The following KDM4C variants were observed in gnomAD, a reference collection of about 807,000 sequenced individuals.
KDM4C encodes the protein lysine demethylase 4C.
KDM4C carries 81 observed loss-of-function variants against 129.3 expected under a neutral mutation model. That is an observed-to-expected ratio of 0.63 (90% CI 0.52 to 0.75). KDM4C has a LOEUF of 0.75. Among genes scored for constraint, KDM4C ranks in the 30% least tolerant of loss-of-function variants. The pLI, the probability that KDM4C is intolerant of heterozygous loss-of-function variation, is 0.00. For synonymous variants in KDM4C, 573 were observed against 456.1 expected (o/e 1.26, Z -3.26); for missense variants, 1,457 against 1,304.0 (o/e 1.12, Z -1.81).
intron 19 of KDM4C, among the ~76,000 whole-genome samples, chr9:7,147,987 G>C (rs574925914): frequency 1.3e-5 from 2 of 152,228 alleles, no homozygotes; most frequent in Non-Finnish European, 2.9e-5. Flanking sequence ...TGCCTGCCAA[G>C]GGCAAGCCAG....
chr9:6,805,407 G>A (rs763077895), intron 2 of KDM4C, among the ~76,000 whole-genome samples, 192 bp from the exon 3 acceptor site: 1 of 151,006 alleles, frequency 6.6e-6, no homozygotes, highest in African/African-American at 2.4e-5. Context: ...GGGATAGTGA[G>A]TACTCAATAA....
intron 8 of KDM4C, among the ~76,000 whole-genome samples, chr9:6,897,425 C>T (rs1816646669): frequency 6.6e-6 from 1 of 152,168 alleles, no homozygotes; most frequent in African/African-American, 2.4e-5. Flanking sequence ...TCTTAACTTG[C>T]AAAATATAGC....
intron 4 of KDM4C, among the ~76,000 whole-genome samples, chr9:6,833,379 C>T (rs1051105734): frequency 1.3e-5 from 2 of 151,956 alleles, no homozygotes; most frequent in African/African-American, 4.8e-5. Context: ...ACTGACTTTC[C>T]TAGATATTGG....
intron 4 of KDM4C, among the ~76,000 whole-genome samples, chr9:6,842,317 T>TC (rs1837092828): frequency 7.4e-6 from 1 of 135,538 alleles, no homozygotes; most frequent in East Asian, 2.3e-4. Flanking sequence ...CATTTCTTTT[T>TC]TTTTTTTTTT....
At chr9:6,964,400 C>T (rs1200607763) in intron 8 of KDM4C, among the ~76,000 whole-genome samples, 3 of 151,856 alleles carry the variant, frequency 2.0e-5, no homozygotes, top group Non-Finnish European at 2.9e-5. Context: ...TCATCCGTGT[C>T]GCTACAAAGG....
At chr9:7,003,201 A>G (rs1821051522) in intron 12 of KDM4C, among the ~76,000 whole-genome samples, 1 of 152,206 alleles carries the variant, frequency 6.6e-6, no homozygotes, top group Non-Finnish European at 1.5e-5. Context: ...CAAAATAGCT[A>G]GAATACTGGT....
chr9:6,990,314 C>A (rs1357392030), intron 11 of KDM4C, 102 bp from the exon 12 acceptor site: 4 of 780,410 alleles, frequency 5.1e-6, no homozygotes, highest in Non-Finnish European at 6.4e-6. Flanking sequence ...CACAAGATTT[C>A]TTCAACATTA....
chr9:6,751,649 T>A (rs1229687338), intron 1 of KDM4C, among the ~76,000 whole-genome samples: 1 of 152,136 alleles, frequency 6.6e-6, no homozygotes, highest in Non-Finnish European at 1.5e-5. Context: ...AGAAGCCACT[T>A]ACAACTTTAG....
intron 8 of KDM4C, among the ~76,000 whole-genome samples, chr9:6,970,496 T>C (rs993323853): frequency 3.3e-5 from 5 of 152,206 alleles, no homozygotes; most frequent in Non-Finnish European, 5.9e-5. Context: ...TAATATTTGA[T>C]TAAAGTGCTG....
intron 17 of KDM4C, among the ~76,000 whole-genome samples, chr9:7,071,500 T>A (rs534276851): frequency 6.6e-6 from 1 of 152,310 alleles, no homozygotes; most frequent in South Asian, 2.1e-4. Flanking sequence ...TATGGTCATG[T>A]GTTTTTCAGT....
chr9:6,831,217 A>G (rs1346505631), intron 4 of KDM4C, among the ~76,000 whole-genome samples: 2 of 152,318 alleles, frequency 1.3e-5, no homozygotes, highest in African/African-American at 4.8e-5. Flanking sequence ...AGACCTCAGA[A>G]TCAGTGGCTG....
intron 15 of KDM4C, among the ~76,000 whole-genome samples, chr9:7,043,467 A>C (rs1486853098): frequency 1.3e-5 from 2 of 152,090 alleles, no homozygotes; most frequent in East Asian, 1.9e-4. Context: ...GTTCTCTGAC[A>C]GTAAAGTACT....
At chr9:6,847,130 A>G (rs550508852) in intron 4 of KDM4C, among the ~76,000 whole-genome samples, 4 of 152,330 alleles carry the variant, frequency 2.6e-5, no homozygotes, top group African/African-American at 7.2e-5. Context: ...CTCCATATGT[A>G]GGAATTTTAG....
chr9:7,005,240 A>G (rs1190877425), intron 12 of KDM4C, among the ~76,000 whole-genome samples: 1 of 152,262 alleles, frequency 6.6e-6, no homozygotes. Flanking sequence ...GTTCAAGACC[A>G]GCCTGGCCAA....
At chr9:6,862,165 C>T (rs35711920) in intron 5 of KDM4C, among the ~76,000 whole-genome samples, 1 of 152,064 alleles carries the variant, frequency 6.6e-6, no homozygotes, top group Admixed American at 6.5e-5. Flanking sequence ...TAACAATTTT[C>T]CTTTAAGTGT....
At chr9:7,055,501 G>T (rs997609473) in intron 17 of KDM4C, among the ~76,000 whole-genome samples, 6 of 152,188 alleles carry the variant, frequency 3.9e-5, no homozygotes, top group Non-Finnish European at 8.8e-5. Flanking sequence ...TTCCGTGTCT[G>T]GCTGAGACCA....
intron 14 of KDM4C, 88 bp from the exon 15 acceptor site, chr9:7,015,765 C>T (rs968441662): frequency 1.3e-5 from 11 of 856,232 alleles, no homozygotes; most frequent in Non-Finnish European, 2.1e-5. Flanking sequence ...AGGCTAGTGT[C>T]CCATTTTTAT....
At chr9:6,858,655 C>G (rs955332440) in intron 5 of KDM4C, among the ~76,000 whole-genome samples, 1 of 152,052 alleles carries the variant, frequency 6.6e-6, no homozygotes, top group Non-Finnish European at 1.5e-5. Context: ...CGCCTGTAAT[C>G]CCAGCTACTC....
chr9:7,080,942 A>G (rs1219320706), intron 17 of KDM4C, among the ~76,000 whole-genome samples: 1 of 152,248 alleles, frequency 6.6e-6, no homozygotes. Flanking sequence ...GACCTGATTA[A>G]TAAACAGGCC....
Sources: allele counts gnomAD v4.1 joint callset (sites outside exome capture counted in the v4.1 genomes callset), GRCh38; gene constraint gnomAD v4.1.1; transcripts MANE v1.5; gene names NCBI Gene and HGNC (gene_info 2026-07-23, HGNC 2026-07-21).